The following CTDSPL variants were observed in gnomAD, a reference collection of about 807,000 sequenced individuals.
CTDSPL encodes CTD small phosphatase like.
Under a neutral mutation model 30.5 loss-of-function variants are expected in CTDSPL, and 8 were observed. The ratio of observed to expected loss-of-function variants is 0.26; its 90% CI spans 0.15 to 0.47. CTDSPL has a LOEUF of 0.47. Ranked by LOEUF, CTDSPL falls within the 20% of genes least tolerant of loss-of-function variation. CTDSPL has a pLI of 0.99. For synonymous variants in CTDSPL, 110 were observed against 137.9 expected (o/e 0.80, Z 1.42); for missense variants, 248 against 366.1 (o/e 0.68, Z 2.63).
At position 37,975,446 on chromosome 3, in the gene CTDSPL, G is replaced by GGGT. The variant is rs1699414167; in HGVS notation, c.520-257_520-255dup. On this transcript the variant is annotated intron_variant, in intron 6 of 7. Coordinates refer to ENST00000273179, the MANE Select transcript of CTDSPL (RefSeq NM_001008392.2). The surrounding 1 kb of genome is among the most constrained non-coding windows in gnomAD (Gnocchi z 4.9). The stretch of plus-strand genomic sequence containing the variant: ...GCCAGAGATTCGAGGCCCAGGCTAA[G>GGGT]GGTGGTGGCAATATAAATAGATGCA... 6.6e-6 allele frequency among the ~76,000 whole-genome samples: 1 copy of GGGT among 152,228 alleles called. No individual in the cohort carries two copies.
chr3:37,886,742 A>C (rs1390232624), intron 1 of CTDSPL, among the ~76,000 whole-genome samples: 1 of 152,230 alleles, frequency 6.6e-6, no homozygotes, highest in African/African-American at 2.4e-5. Context: ...ATTCCTGGCC[A>C]GGAAGCCCCA....
At chr3:37,888,722 G>C (rs988454045) in intron 1 of CTDSPL, among the ~76,000 whole-genome samples, 2 of 152,188 alleles carry the variant, frequency 1.3e-5, no homozygotes, top group Non-Finnish European at 2.9e-5. Flanking sequence ...TTGTTTGGGG[G>C]ACCATCTTTA....
chr3:37,911,900 A>G (rs1222367777), intron 1 of CTDSPL: 1 of 304,136 alleles, frequency 3.3e-6, no homozygotes, highest in Admixed American at 4.3e-5. Flanking sequence ...CTCTACTAAA[A>G]TACAAAAATG....
chr3:37,909,901 A>G (rs1196125998), intron 1 of CTDSPL, among the ~76,000 whole-genome samples: 9 of 152,194 alleles, frequency 5.9e-5, no homozygotes, highest in Non-Finnish European at 1.2e-4. Context: ...ATTTCCCACA[A>G]AGTGAATGGT....
At chr3:37,919,606 G>A (rs1698690158) in intron 1 of CTDSPL, among the ~76,000 whole-genome samples, 1 of 152,238 alleles carries the variant, frequency 6.6e-6, no homozygotes, top group African/African-American at 2.4e-5. Flanking sequence ...AGGTCCTGGA[G>A]AAGTTGAGGA....
chr3:37,976,708 A>T (rs1699433037), intron 7 of CTDSPL, among the ~76,000 whole-genome samples: 1 of 152,040 alleles, frequency 6.6e-6, no homozygotes, highest in African/African-American at 2.4e-5. Flanking sequence ...CCTCATCATG[A>T]TGTCTAAAAA....
At chr3:37,921,261 G>A (rs79401727) in intron 1 of CTDSPL, among the ~76,000 whole-genome samples, 184 of 152,328 alleles carry the variant, frequency 1.2e-3, no homozygotes, top group African/African-American at 4.2e-3. Context: ...GTTGGAGACT[G>A]GATGGTGTCC....
chr3:37,942,879 T>G lies in CTDSPL; in HGVS notation c.80-4178T>G, dbSNP rs566290114. 2.0e-5 allele frequency among the ~76,000 whole-genome samples: 3 copies of G among 150,262 alleles called. No individual in the cohort carries two copies. The South Asian group carries it at 6.5e-4, about 32-fold the overall frequency. ...AGCCCACATTCCTAACCACCACACA[T>G]TTTTCTAACTTGATGGGCTTTACCT... On this transcript the variant is annotated intron_variant, in intron 1 of 7. Coordinates refer to ENST00000273179, the MANE Select transcript of CTDSPL (RefSeq NM_001008392.2).
intron 1 of CTDSPL, among the ~76,000 whole-genome samples, chr3:37,892,126 C>T (rs752708032): frequency 1.3e-5 from 2 of 152,060 alleles, no homozygotes; most frequent in Non-Finnish European, 2.9e-5. Flanking sequence ...ACTTAGGTTC[C>T]CCAGACTTTT....
intron 2 of CTDSPL, among the ~76,000 whole-genome samples, chr3:37,948,785 A>T (rs908696892): frequency 6.6e-5 from 10 of 151,702 alleles, no homozygotes; most frequent in Admixed American, 5.2e-4. Flanking sequence ...AAACTAAATA[A>T]TGAGAGACCA....
At chr3:37,955,677 T>A (rs1699163072) in intron 2 of CTDSPL, among the ~76,000 whole-genome samples, 1 of 152,046 alleles carries the variant, frequency 6.6e-6, no homozygotes, top group African/African-American at 2.4e-5. Context: ...CAACAGACAC[T>A]GGGGCCTACT....
chr3:37,921,788 G>A (rs1698719754), intron 1 of CTDSPL, among the ~76,000 whole-genome samples: 1 of 152,200 alleles, frequency 6.6e-6, no homozygotes, highest in Non-Finnish European at 1.5e-5. Flanking sequence ...TCATCCTGGG[G>A]CAAGGCTGGA....
At chr3:37,931,031 T>G (rs773675797) in intron 1 of CTDSPL, among the ~76,000 whole-genome samples, 1 of 152,202 alleles carries the variant, frequency 6.6e-6, no homozygotes, top group Non-Finnish European at 1.5e-5. Flanking sequence ...TGGAATATCT[T>G]TTTCCATCCT....
At chr3:37,874,710 C>T (rs902606606) in intron 1 of CTDSPL, among the ~76,000 whole-genome samples, 1 of 152,018 alleles carries the variant, frequency 6.6e-6, no homozygotes, top group Non-Finnish European at 1.5e-5. Flanking sequence ...AGCCTGGCGA[C>T]AGAGCGAGAC....
At chr3:37,951,700 A>G (rs1200048228) in intron 2 of CTDSPL, among the ~76,000 whole-genome samples, 1 of 152,000 alleles carries the variant, frequency 6.6e-6, no homozygotes, top group Non-Finnish European at 1.5e-5. Flanking sequence ...TGTAGAAATA[A>G]ATATTATTAT....
rs1166016503 is a variant in CTDSPL at position 37,943,060 on chromosome 3, G to C, written c.80-3997G>C. Reference sequence around the variant, plus strand: ...AGGATGTCAGAACCAACAACTTAATGAGGGAAAAGGACAGATGTCTAGCTT... The same window carrying C: ...AGGATGTCAGAACCAACAACTTAATCAGGGAAAAGGACAGATGTCTAGCTT... On this transcript the variant is annotated intron_variant, in intron 1 of 7. Coordinates refer to ENST00000273179, the MANE Select transcript of CTDSPL (RefSeq NM_001008392.2). Among the ~76,000 whole-genome samples, 3 of 150,230 alleles carry C rather than the reference G, an allele frequency of 2.0e-5. 1 individual carries two copies. The Admixed American group carries it at 2.0e-4, about 10-fold the overall frequency.
chr3:37,905,442 T>C (rs1698503039), intron 1 of CTDSPL, among the ~76,000 whole-genome samples: 1 of 152,238 alleles, frequency 6.6e-6, no homozygotes. Flanking sequence ...TGGAAGAACA[T>C]GTGATTTTTA....
chr3:37,901,067 G>T (rs1429372802), intron 1 of CTDSPL, among the ~76,000 whole-genome samples: 2 of 152,208 alleles, frequency 1.3e-5, no homozygotes, highest in Non-Finnish European at 2.9e-5. Flanking sequence ...AAAGTGCTGG[G>T]ATTACAGGTG....
intron 1 of CTDSPL, among the ~76,000 whole-genome samples, chr3:37,940,286 T>C (rs1005438522): frequency 2.0e-5 from 3 of 150,404 alleles, no homozygotes; most frequent in Admixed American, 6.7e-5. Flanking sequence ...ATGTTGTTGG[T>C]CAATGCTTCT....
Sources: gnomAD v4.1 joint callset for allele counts (sites outside exome capture counted in the v4.1 genomes callset) on GRCh38, gnomAD v4.1.1 for gene constraint, Gnocchi (gnomAD v3.1) non-coding constraint, MANE v1.5 for transcripts, NCBI Gene and HGNC (gene_info 2026-07-23, HGNC 2026-07-21) for gene names.